PAQR5: variants seen among roughly 807,000 people sequenced by gnomAD.
The protein encoded by PAQR5 is progestin and adipoQ receptor family member 5.
In PAQR5, 20 loss-of-function variants were observed where a neutral mutation model predicts 34.5. That is an observed-to-expected ratio of 0.58 (90% confidence interval 0.41 to 0.84). The LOEUF is 0.84. PAQR5 is among the 40% of genes least tolerant of loss of function. The pLI, the probability that PAQR5 is intolerant of heterozygous loss-of-function variation, is 0.00. For synonymous variants in PAQR5, 131 were observed against 155.6 expected (o/e 0.84, Z 1.18); for missense variants, 378 against 412.7 (o/e 0.92, Z 0.73).
intron 6 of PAQR5, among the ~76,000 whole-genome samples, chr15:69,393,259 T>C (rs2056321020): frequency 1.3e-5 from 2 of 151,174 alleles, no homozygotes; most frequent in South Asian, 4.2e-4. Context: ...TTACAAGGCC[T>C]GTCCTCCCCT....
At chr15:69,346,144 T>G (rs976449305) in intron 2 of PAQR5, among the ~76,000 whole-genome samples, 8 of 152,088 alleles carry the variant, frequency 5.3e-5, no homozygotes, top group Non-Finnish European at 1.2e-4. Flanking sequence ...GATTTTATAG[T>G]GTTGGTGAAA....
intron 8 of PAQR5, chr15:69,401,012 T>G (rs944174567): frequency 6.6e-6 from 1 of 152,210 alleles, no homozygotes; most frequent in African/African-American, 2.4e-5. Flanking sequence ...CTGAGCTCAC[T>G]TAAGTTTGAA....
chr15:69,398,779 G>C (rs1052586534), intron 7 of PAQR5, among the ~76,000 whole-genome samples: 5 of 152,232 alleles, frequency 3.3e-5, no homozygotes, highest in African/African-American at 1.2e-4. Flanking sequence ...ATCAGGCAGT[G>C]CAAGTCCTGT....
At chr15:69,397,649 C>A in intron 7 of PAQR5, 85 bp downstream of exon 7, 1 of 910,072 alleles carries the variant, frequency 1.1e-6, no homozygotes, top group Non-Finnish European at 1.9e-6. Context: ...GGTCACAGCA[C>A]TGCAATGGGA....
rs1312933473 is a variant in PAQR5, at chr15:69,397,468, G to A, written c.513G>A (p.Arg171=). 1.2e-6 allele frequency: 2 copies of A among 1,610,130 alleles called. No individual in the cohort carries two copies. Among genetic ancestry groups the A allele is most frequent in the South Asian group, 2.2e-5 (2 of 91,012 alleles). ...TCCCCACTTTCCTTCCCTGATTTAGGTTTCTTGAAATCCAGAAGCCCAGAC... is the reference window on the plus strand; with the variant it reads ...TCCCCACTTTCCTTCCCTGATTTAGATTTCTTGAAATCCAGAAGCCCAGAC... ...ILSTGLSCYS[R]FLEIQKPRLC... is the part of the protein sequence containing the mutation. Residue 171 remains arginine (R), a splice_region_variant and synonymous_variant, in exon 7 of 9, where the codon AGG becomes AGA. Coordinates refer to ENST00000395407, the MANE Select transcript of PAQR5 (RefSeq NM_017705.4).
intron 2 of PAQR5, among the ~76,000 whole-genome samples, chr15:69,359,558 A>T (rs1175025953): frequency 6.6e-6 from 1 of 152,104 alleles, no homozygotes; most frequent in Non-Finnish European, 1.5e-5. Context: ...ACAAAACAGG[A>T]TATGGATTTT....
chr15:69,391,402 T>C (rs1415361605), intron 6 of PAQR5: 2 of 170,832 alleles, frequency 1.2e-5, no homozygotes, highest in Non-Finnish European at 2.5e-5. Context: ...TCCATTCACC[T>C]GCGCTAAGGT....
intron 1 of PAQR5, among the ~76,000 whole-genome samples, chr15:69,312,000 C>T (rs1433207456): frequency 6.6e-6 from 1 of 152,158 alleles, no homozygotes; most frequent in Non-Finnish European, 1.5e-5. Context: ...TAAGCAAGCT[C>T]TCCGGGAAGA....
At chr15:69,393,559 TCTC>T (rs1459348351) in intron 6 of PAQR5, among the ~76,000 whole-genome samples, 2 of 148,762 alleles carry the variant, frequency 1.3e-5, no homozygotes, top group African/African-American at 4.9e-5. Flanking sequence ...CTTAGTGTCT[TCTC>T]CAAGCTTCCT....
At chr15:69,343,589 T>C (rs1285997629) in intron 2 of PAQR5, among the ~76,000 whole-genome samples, 1 of 152,204 alleles carries the variant, frequency 6.6e-6, no homozygotes, top group East Asian at 1.9e-4. Flanking sequence ...CTTAAGCCAA[T>C]TGCTTATTCA....
At chr15:69,372,398 C>T (rs12910435) in intron 3 of PAQR5, among the ~76,000 whole-genome samples, 144,046 of 152,076 alleles carry the variant, frequency 0.95, 68,722 homozygotes, top group East Asian at 1. Context: ...ACAAAATTCA[C>T]TGGGCATGGT....
At chr15:69,300,593 C>CTT (rs2053518025) in intron 1 of PAQR5, among the ~76,000 whole-genome samples, 3 of 12,214 alleles carry the variant, frequency 2.5e-4, no homozygotes, top group African/African-American at 7.1e-4. Context: ...TTCTTTCCTT[C>CTT]TTTCTTTCTT....
At chr15:69,359,824 C>T (rs1218373962) in intron 2 of PAQR5, 142 bp from the exon 3 acceptor site, 3 of 445,480 alleles carry the variant, frequency 6.7e-6, no homozygotes, top group African/African-American at 2.0e-5. Flanking sequence ...GCAGTCTGAT[C>T]ATTTTGCTGT....
At chr15:69,300,645 CTTTCTTTTCTT>C (rs1322464884) in intron 1 of PAQR5, among the ~76,000 whole-genome samples, 1 of 32,386 alleles carries the variant, frequency 3.1e-5, no homozygotes, top group African/African-American at 8.7e-5. Context: ...TTCTTTCTTT[CTTTCTTTTCTT>C]TCTTTCTTTC....
chr15:69,310,047 TA>T (rs144444787), intron 1 of PAQR5, among the ~76,000 whole-genome samples: 16 of 79,266 alleles, frequency 2.0e-4, no homozygotes, highest in Middle Eastern at 6.8e-3. Flanking sequence ...GACTCCATAT[TA>T]AAAAAAAAAC....
At chr15:69,363,912 C>T (rs887586596) in intron 3 of PAQR5, among the ~76,000 whole-genome samples, 1 of 152,084 alleles carries the variant, frequency 6.6e-6, no homozygotes, top group Admixed American at 6.5e-5. Flanking sequence ...TAAACACATC[C>T]CATAGTCCCA....
chr15:69,372,708 T>A (rs1018565257), intron 3 of PAQR5, among the ~76,000 whole-genome samples: 3 of 152,216 alleles, frequency 2.0e-5, no homozygotes, highest in Admixed American at 6.5e-5. Context: ...TTCTAGTAAT[T>A]GCATGTGTGT....
At chr15:69,324,905 T>G (rs914615656) in intron 1 of PAQR5, among the ~76,000 whole-genome samples, 1 of 151,636 alleles carries the variant, frequency 6.6e-6, no homozygotes, top group African/African-American at 2.4e-5. Context: ...TTTCTTTTTT[T>G]TTTTTTTTTC....
At chr15:69,308,391 G>A (rs2053762687) in intron 1 of PAQR5, among the ~76,000 whole-genome samples, 1 of 152,162 alleles carries the variant, frequency 6.6e-6, no homozygotes, top group Non-Finnish European at 1.5e-5. Flanking sequence ...TTATGGAAAT[G>A]TATCATGGGG....
Sources: gnomAD v4.1 joint callset for allele counts (sites outside exome capture counted in the v4.1 genomes callset) on GRCh38, gnomAD v4.1.1 for gene constraint, MANE v1.5 for transcripts, NCBI Gene and HGNC (gene_info 2026-07-23, HGNC 2026-07-21) for gene names.